FGF1: variants seen among roughly 807,000 people sequenced by gnomAD.
FGF1 encodes the protein fibroblast growth factor 1, also known as beta-endothelial cell growth factor.
In FGF1, 9 loss-of-function variants were observed where a neutral mutation model predicts 13.4. That is an observed-to-expected ratio of 0.67 (90% CI 0.40 to 1.17). The LOEUF (loss-of-function observed/expected upper bound fraction) is 1.17. Ranked by LOEUF, FGF1 falls within the 50% of genes most tolerant of loss-of-function variation. FGF1 has a pLI of 0.01. For missense variants in FGF1, 156 were observed against 192.7 expected (o/e 0.81, Z 1.13); for synonymous variants, 93 against 79.0 (o/e 1.18, Z -0.94).
rs1768032836 is a variant in FGF1 at position 142,655,767 on chromosome 5, A to G, written c.-35+30190T>C. ...AGAAGAAGCTGAAGGATGTGCTGAT[A>G]TTGGAACGGGAGAGCCAGAGCAGCT... On this transcript the variant is annotated intron_variant, in intron 1 of 3. Transcript: ENST00000337706. Among the ~76,000 whole-genome samples the G allele has an allele frequency of 1.3e-5, 2 of 152,206 alleles. 1 individual carries two copies. The highest frequency in any genetic ancestry group is 4.1e-4 in the South Asian group (2 of 4,830).
chr5:142,622,149 C>T (rs1483936589), intron 1 of FGF1, among the ~76,000 whole-genome samples: 1 of 152,212 alleles, frequency 6.6e-6, no homozygotes, highest in Non-Finnish European at 1.5e-5. Flanking sequence ...ATGCCTGACA[C>T]CTGATGGGCA....
chr5:142,648,689 CAAAAAAAAAAAAAA>C (rs11451715), intron 1 of FGF1, among the ~76,000 whole-genome samples: 2 of 66,228 alleles, frequency 3.0e-5, no homozygotes, highest in African/African-American at 6.2e-5. Context: ...CCCCACCAAC[CAAAAAAAAAAAAAA>C]AAAAAAAAAA....
chr5:142,638,279 T>G (rs1484293888), intron 1 of FGF1, among the ~76,000 whole-genome samples: 2 of 151,964 alleles, frequency 1.3e-5, no homozygotes, highest in Non-Finnish European at 2.9e-5. Context: ...TGAACTTGCT[T>G]TTCCGTTGGC....
At chr5:142,669,130 T>C (rs1770967915) in intron 1 of FGF1, among the ~76,000 whole-genome samples, 1 of 152,218 alleles carries the variant, frequency 6.6e-6, no homozygotes, top group Non-Finnish European at 1.5e-5. Context: ...AGTCAGATCA[T>C]AGAGGACCTT....
chr5:142,595,219 C>T lies in FGF1; in HGVS notation c.*71G>A. On this transcript the variant is annotated 3_prime_UTR_variant, in exon 4 of 4. Transcript: ENST00000337706. ...TTAGCGCAGCCAATGGTCAAGGGAA[C>T]ATTTTTGGGTCAACCAGGTGAGGAC... 7.4e-7 allele frequency: 1 copy of T among 1,349,604 alleles called. No individual in the cohort carries two copies. Among genetic ancestry groups the T allele is most frequent in the Non-Finnish European group, 1.0e-6 (1 of 973,646 alleles). 83.6% of individuals were successfully genotyped at this position (1,349,604 alleles called of 1,614,324 possible). A position where few individuals can be genotyped will look rare whatever the true frequency, so the allele number is the denominator to read the frequency against.
chr5:142,613,592 C>G (rs1759542156), intron 2 of FGF1, among the ~76,000 whole-genome samples: 1 of 152,244 alleles, frequency 6.6e-6, no homozygotes. Flanking sequence ...ACCACCATGC[C>G]TGTCTGGTTC....
At chr5:142,670,184 A>G in intron 1 of FGF1, among the ~76,000 whole-genome samples, 1 of 152,126 alleles carries the variant, frequency 6.6e-6, no homozygotes, top group East Asian at 1.9e-4. Context: ...CTTCCCAGCT[A>G]GGAAGGCCAA....
intron 2 of FGF1, among the ~76,000 whole-genome samples, chr5:142,611,808 C>CT (rs1759118744): frequency 6.6e-6 from 1 of 152,194 alleles, no homozygotes; most frequent in African/African-American, 2.4e-5. Context: ...AGCCCCTTGA[C>CT]TTTCCTGGGT....
rs114697235 is a variant in FGF1, at chr5:142,654,774, G to A, written c.-35+31183C>T. Among the ~76,000 whole-genome samples, 1,288 of 152,314 alleles carry A rather than the reference G, an allele frequency of 8.5e-3. 12 individuals are homozygous for A. Among genetic ancestry groups the A allele is most frequent in the Non-Finnish European group, 8.8e-3 (602 of 68,034 alleles). On this transcript the variant is annotated intron_variant, in intron 1 of 3. Coordinates refer to ENST00000337706, the MANE Select transcript of FGF1 (RefSeq NM_000800.5). The stretch of plus-strand genomic sequence containing the variant: ...CTCTTTAGGGTTGGCTCCTTCCAGG[G>A]GCCAATCTCCCTTTGCCTGGCGAGT...
At chr5:142,608,565 T>C (rs1281410728) in intron 2 of FGF1, among the ~76,000 whole-genome samples, 11 of 88,916 alleles carry the variant, frequency 1.2e-4, no homozygotes, top group African/African-American at 2.8e-4. Flanking sequence ...TATATATATA[T>C]ATATATATAT....
intron 2 of FGF1, chr5:142,601,137 A>G (rs1207887726): frequency 3.8e-6 from 2 of 522,982 alleles, no homozygotes; most frequent in South Asian, 2.9e-5. Context: ...GAAAATAATC[A>G]CAGGAGGAAA....
chr5:142,683,668 A>T (rs1403970715), intron 1 of FGF1, among the ~76,000 whole-genome samples: 2 of 151,972 alleles, frequency 1.3e-5, no homozygotes, highest in Non-Finnish European at 2.9e-5. Context: ...ATAAAAATAC[A>T]AAATTAGCCG....
chr5:142,681,431 T>C (rs939096634), intron 1 of FGF1, among the ~76,000 whole-genome samples: 13 of 152,214 alleles, frequency 8.5e-5, no homozygotes, highest in African/African-American at 3.1e-4. Context: ...CACTACCTGG[T>C]CAGAAAAACC....
At chr5:142,688,750 C>T (rs531701818), upstream of FGF1, among the ~76,000 whole-genome samples, 5 of 152,316 alleles carry the variant, frequency 3.3e-5, no homozygotes, top group South Asian at 6.2e-4. Context: ...GGGCTTGCCC[C>T]GGAGTCATCC....
intron 1 of FGF1, among the ~76,000 whole-genome samples, chr5:142,637,113 C>T (rs1764385424): frequency 6.6e-6 from 1 of 151,928 alleles, no homozygotes; most frequent in African/African-American, 2.4e-5. Flanking sequence ...AGCCAGGACA[C>T]CTTGAGTATG....
At chr5:142,669,364 G>A (rs567544206) in intron 1 of FGF1, among the ~76,000 whole-genome samples, 1 of 152,280 alleles carries the variant, frequency 6.6e-6, no homozygotes, top group African/African-American at 2.4e-5. Context: ...AGCCAGTCGA[G>A]GACAGAAGCA....
At chr5:142,658,682 T>C (rs1768609690) in intron 1 of FGF1, among the ~76,000 whole-genome samples, 1 of 152,202 alleles carries the variant, frequency 6.6e-6, no homozygotes, top group African/African-American at 2.4e-5. Flanking sequence ...TGGAGGATAT[T>C]TCCTTCGGTA....
chr5:142,639,620 C>T (rs1181473882), intron 1 of FGF1, among the ~76,000 whole-genome samples: 2 of 151,810 alleles, frequency 1.3e-5, no homozygotes, highest in African/African-American at 4.9e-5. Context: ...TTCAGTTAGA[C>T]GAAATGAATA....
At chr5:142,651,827 T>C (rs1026461426) in intron 1 of FGF1, among the ~76,000 whole-genome samples, 2 of 144,600 alleles carry the variant, frequency 1.4e-5, no homozygotes, top group Non-Finnish European at 3.0e-5. Context: ...TCTTGGTAGC[T>C]CATTTTTTTT....
Sources: allele counts gnomAD v4.1 joint callset (sites outside exome capture counted in the v4.1 genomes callset), GRCh38; gene constraint gnomAD v4.1.1; transcripts MANE v1.5; gene names NCBI Gene and HGNC (gene_info 2026-07-23, HGNC 2026-07-21).